LAPTM4B: variants seen among roughly 807,000 people sequenced by gnomAD.
The protein encoded by LAPTM4B is lysosomal protein transmembrane 4 beta.
Under a neutral mutation model 28.5 loss-of-function variants are expected in LAPTM4B, and 26 were observed. That is an observed-to-expected ratio of 0.91 (90% CI 0.67 to 1.27). LAPTM4B has a LOEUF of 1.27. Among genes scored for constraint, LAPTM4B ranks in the 50% most tolerant of loss-of-function variants. The probability of loss-of-function intolerance (pLI) is 0.00; values close to 1 mark genes in which losing one functional copy is unlikely to be tolerated. For missense variants in LAPTM4B, 288 were observed against 285.8 expected (o/e 1.01, Z -0.06); for synonymous variants, 109 against 106.4 (o/e 1.02, Z -0.15).
chr8:97,789,581 G>A (rs1269424947), intron 1 of LAPTM4B, among the ~76,000 whole-genome samples: 1 of 150,930 alleles, frequency 6.6e-6, no homozygotes, highest in African/African-American at 2.4e-5. Context: ...AGGCTGGAGT[G>A]CAATGGTGTG....
At chr8:97,831,550 A>T (rs1817182858) in intron 6 of LAPTM4B, among the ~76,000 whole-genome samples, 1 of 152,190 alleles carries the variant, frequency 6.6e-6, no homozygotes, top group South Asian at 2.1e-4. Flanking sequence ...GGGGTTCTAA[A>T]AGACAGGTGA....
At chr8:97,789,542 TG>T (rs1816466299) in intron 1 of LAPTM4B, among the ~76,000 whole-genome samples, 1 of 151,166 alleles carries the variant, frequency 6.6e-6, no homozygotes, top group Non-Finnish European at 1.5e-5. Context: ...TTTTTTTTTT[TG>T]AGAGACGGAG....
intron 6 of LAPTM4B, among the ~76,000 whole-genome samples, chr8:97,832,718 T>TTTTTATTTTATTTTA (rs1817202148): frequency 6.8e-6 from 1 of 147,172 alleles, no homozygotes; most frequent in Non-Finnish European, 1.5e-5. Context: ...TTTTATTTTA[T>TTTTTATTTTATTTTA]TTTTTTGAGA....
At chr8:97,786,700 A>AG (rs35757335) in intron 1 of LAPTM4B, among the ~76,000 whole-genome samples, 15,880 of 145,314 alleles carry the variant, frequency 0.11, 1,072 homozygotes, top group Middle Eastern at 0.23. Flanking sequence ...CTCCCGTCTC[A>AG]GAAAAAAAAA....
chr8:97,776,210 C>A (rs1816211298), intron 1 of LAPTM4B, 102 bp downstream of exon 1: 2 of 1,270,106 alleles, frequency 1.6e-6, no homozygotes, highest in East Asian at 6.2e-5. Flanking sequence ...GCTCATCCGC[C>A]TAAAGTTGTA....
At chr8:97,785,885 G>A (rs554312105) in intron 1 of LAPTM4B, among the ~76,000 whole-genome samples, 2 of 152,312 alleles carry the variant, frequency 1.3e-5, no homozygotes, top group East Asian at 3.9e-4. Context: ...ATAAAGACTT[G>A]CATCCCTCAG....
rs766467887 is a variant in LAPTM4B at position 97,842,791 on chromosome 8, A to G, written c.604-8606A>G. 3.5e-4 allele frequency among the ~76,000 whole-genome samples: 54 copies of G among 152,166 alleles called. 1 individual carries two copies. The highest frequency in any genetic ancestry group is 7.2e-4 in the Admixed American group (11 of 15,288). On this transcript the variant is annotated intron_variant, in intron 6 of 6. Transcript: ENST00000521545. ...CTCAGCCTCCCAAAGTGCTGGGACT[A>G]CAGGCGTGAGCCACCGCGCCTGGCC... is the stretch of plus-strand genomic sequence containing the variant.
chr8:97,792,547 G>T (rs1181304033), intron 1 of LAPTM4B, among the ~76,000 whole-genome samples: 3 of 152,136 alleles, frequency 2.0e-5, no homozygotes, highest in Non-Finnish European at 4.4e-5. Context: ...GAGCCGCCGT[G>T]CCTAGCCTAA....
intron 1 of LAPTM4B, among the ~76,000 whole-genome samples, chr8:97,782,875 G>A (rs1816342749): frequency 6.6e-6 from 1 of 151,686 alleles, no homozygotes; most frequent in Non-Finnish European, 1.5e-5. Context: ...GGGATTGCAG[G>A]CATGCACCAC....
chr8:97,807,120 T>C (rs1036082468), intron 2 of LAPTM4B, among the ~76,000 whole-genome samples: 7 of 152,088 alleles, frequency 4.6e-5, no homozygotes, highest in African/African-American at 1.7e-4. Context: ...CTAATACAGG[T>C]GTAGGCTCCG....
At chr8:97,813,782 A>G (rs1816862510) in intron 2 of LAPTM4B, among the ~76,000 whole-genome samples, 1 of 152,214 alleles carries the variant, frequency 6.6e-6, no homozygotes, top group Admixed American at 6.5e-5. Context: ...TTTAGTATGC[A>G]GATTATGTTT....
chr8:97,844,109 T>TGG (rs1817393955), intron 6 of LAPTM4B, among the ~76,000 whole-genome samples: 1 of 131,176 alleles, frequency 7.6e-6, no homozygotes, highest in African/African-American at 3.0e-5. Context: ...GGGAGCAGGA[T>TGG]GGGGAGAGGG....
intron 2 of LAPTM4B, among the ~76,000 whole-genome samples, chr8:97,814,104 A>G (rs919173991): frequency 6.6e-6 from 1 of 152,202 alleles, no homozygotes; most frequent in Non-Finnish European, 1.5e-5. Flanking sequence ...ATAATCCCAT[A>G]GTGACAATGC....
chr8:97,786,422 G>A (rs1816402667), intron 1 of LAPTM4B, among the ~76,000 whole-genome samples: 3 of 98,554 alleles, frequency 3.0e-5, no homozygotes, highest in Non-Finnish European at 6.2e-5. Context: ...AAAAAAACAA[G>A]GCCGGGTGTG....
At chr8:97,809,620 A>G (rs1816798433) in intron 2 of LAPTM4B, among the ~76,000 whole-genome samples, 1 of 152,194 alleles carries the variant, frequency 6.6e-6, no homozygotes, top group Non-Finnish European at 1.5e-5. Context: ...GGATCACTTG[A>G]GCCTGGGTGG....
intron 4 of LAPTM4B, among the ~76,000 whole-genome samples, chr8:97,817,780 G>A (rs891200541): frequency 6.6e-6 from 1 of 151,746 alleles, no homozygotes; most frequent in African/African-American, 2.4e-5. Flanking sequence ...AGTAGAGGTG[G>A]GGTTTTGCCA....
intron 6 of LAPTM4B, among the ~76,000 whole-genome samples, chr8:97,843,414 A>T (rs895957988): frequency 6.6e-6 from 1 of 152,184 alleles, no homozygotes; most frequent in African/African-American, 2.4e-5. Flanking sequence ...TCTCAAACCC[A>T]CAAAAAACAA....
At chr8:97,817,845 C>A (rs1455815047) in intron 4 of LAPTM4B, among the ~76,000 whole-genome samples, 2 of 152,100 alleles carry the variant, frequency 1.3e-5, no homozygotes, top group Non-Finnish European at 2.9e-5. Flanking sequence ...CCACCTTGGC[C>A]TCCCAAAGTG....
intron 6 of LAPTM4B, among the ~76,000 whole-genome samples, chr8:97,828,771 T>C (rs1817132691): frequency 6.6e-6 from 1 of 152,122 alleles, no homozygotes; most frequent in East Asian, 1.9e-4. Context: ...GGAGAAGTCA[T>C]TGGAGAGACT....
Sources: gnomAD v4.1 joint callset for allele counts (sites outside exome capture counted in the v4.1 genomes callset) on GRCh38, gnomAD v4.1.1 for gene constraint, MANE v1.5 for transcripts, NCBI Gene and HGNC (gene_info 2026-07-23, HGNC 2026-07-21) for gene names.